Variants in SUMF1 observed in about 807,000 individuals in gnomAD.
The protein encoded by SUMF1 is sulfatase modifying factor 1, also known as formylglycine-generating enzyme.
A neutral mutation model predicts 47.6 loss-of-function variants in SUMF1; 48 were observed. That is an observed-to-expected ratio of 1.01 (90% confidence interval 0.80 to 1.28). SUMF1 has a LOEUF of 1.28. Among genes scored for constraint, SUMF1 ranks in the 50% most tolerant of loss-of-function variants. The pLI is 0.00. For missense variants in SUMF1, 571 were observed against 485.4 expected, an observed-to-expected ratio of 1.18 and a Z score of -1.66; for synonymous variants, 230 against 192.1, an observed-to-expected ratio of 1.20 and a Z score of -1.63.
intron 8 of SUMF1, among the ~76,000 whole-genome samples, chr3:4,097,054 C>T (rs1006087404): frequency 6.6e-5 from 10 of 152,090 alleles, no homozygotes; most frequent in African/African-American, 2.4e-4. Flanking sequence ...CAATTTTCAA[C>T]TTCAAATTTC....
intron 3 of SUMF1, among the ~76,000 whole-genome samples, chr3:4,440,119 C>A (rs956557060): frequency 1.3e-5 from 2 of 151,674 alleles, no homozygotes; most frequent in Admixed American, 6.6e-5. Context: ...GCCTATAATC[C>A]CAGCTACTTG....
chr3:4,159,534 A>G (rs1196397432), intron 8 of SUMF1, among the ~76,000 whole-genome samples: 1 of 150,982 alleles, frequency 6.6e-6, no homozygotes, highest in Non-Finnish European at 1.5e-5. Context: ...TTTTTTTTTG[A>G]TCAGTTCATC....
intron 8 of SUMF1, among the ~76,000 whole-genome samples, chr3:4,150,723 T>C (rs1385678526): frequency 6.6e-6 from 1 of 151,608 alleles, no homozygotes; most frequent in Non-Finnish European, 1.5e-5. Context: ...GCAACAGTGA[T>C]ACCACTATGA....
chr3:4,167,686 T>C (rs1315538475), intron 8 of SUMF1, among the ~76,000 whole-genome samples: 3 of 152,168 alleles, frequency 2.0e-5, no homozygotes, highest in African/African-American at 7.2e-5. Context: ...TCTTCACCTA[T>C]CAGTAGCAGT....
chr3:4,328,047 C>A (rs1698979755), intron 8 of SUMF1, among the ~76,000 whole-genome samples: 1 of 150,874 alleles, frequency 6.6e-6, no homozygotes, highest in African/African-American at 2.4e-5. Context: ...GAGGCCCTCC[C>A]TGTACAAAAA....
chr3:4,328,900 T>C (rs1396988190), intron 8 of SUMF1, among the ~76,000 whole-genome samples: 1 of 152,152 alleles, frequency 6.6e-6, no homozygotes, highest in Non-Finnish European at 1.5e-5. Context: ...GGTACAGGCA[T>C]TGGGTAAATA....
intron 8 of SUMF1, among the ~76,000 whole-genome samples, chr3:4,076,749 C>G (rs956803411): frequency 1.3e-5 from 2 of 152,148 alleles, no homozygotes; most frequent in African/African-American, 2.4e-5. Context: ...CCTGTAATCC[C>G]AGCACTTTGG....
chr3:4,315,813 G>C (rs544147766), intron 8 of SUMF1, among the ~76,000 whole-genome samples: 1 of 152,216 alleles, frequency 6.6e-6, no homozygotes, highest in South Asian at 2.1e-4. Flanking sequence ...TTGGGAGGCT[G>C]AGGCAGGCAG....
chr3:4,110,962 G>T (rs1295497477), intron 8 of SUMF1, among the ~76,000 whole-genome samples: 5 of 151,080 alleles, frequency 3.3e-5, no homozygotes, highest in Non-Finnish European at 7.4e-5. Context: ...CCTGCATGTT[G>T]TGCACATGTA....
chr3:4,257,967 A>G (rs1431323795), intron 8 of SUMF1, among the ~76,000 whole-genome samples: 1 of 152,100 alleles, frequency 6.6e-6, no homozygotes, highest in Admixed American at 6.5e-5. Context: ...GCATGTCTAC[A>G]ACTATCTGAT....
chr3:4,387,746 T>C (rs982177951), intron 7 of SUMF1, among the ~76,000 whole-genome samples: 10 of 152,068 alleles, frequency 6.6e-5, no homozygotes, highest in Non-Finnish European at 2.9e-5. Context: ...CTGTTTTCAC[T>C]CTATCCCACA....
intron 7 of SUMF1, among the ~76,000 whole-genome samples, chr3:4,395,665 T>C (rs192422228): frequency 6.6e-6 from 1 of 152,316 alleles, no homozygotes; most frequent in East Asian, 1.9e-4. Context: ...AAAACAGTCA[T>C]TTCCTCCATG....
intron 8 of SUMF1, among the ~76,000 whole-genome samples, chr3:4,312,605 G>A (rs1698449823): frequency 6.6e-6 from 1 of 151,454 alleles, no homozygotes; most frequent in South Asian, 2.1e-4. Flanking sequence ...TAGCAGCTAA[G>A]GAAGCTGAGG....
chr3:4,136,481 T>C (rs1693935240), intron 8 of SUMF1, among the ~76,000 whole-genome samples: 1 of 151,950 alleles, frequency 6.6e-6, no homozygotes, highest in African/African-American at 2.4e-5. Flanking sequence ...CAAGATGGAT[T>C]AAAGACTTAC....
chr3:4,336,962 G>A (rs1699165291), intron 8 of SUMF1, among the ~76,000 whole-genome samples: 1 of 152,086 alleles, frequency 6.6e-6, no homozygotes, highest in African/African-American at 2.4e-5. Flanking sequence ...ATTTGTAAGG[G>A]CAGCCAATTG....
At chr3:4,171,683 G>A (rs13434255) in intron 8 of SUMF1, among the ~76,000 whole-genome samples, 1 of 152,136 alleles carries the variant, frequency 6.6e-6, no homozygotes, top group Admixed American at 6.5e-5. Context: ...CAAACTAACA[G>A]CAAGTTTTAA....
intron 8 of SUMF1, among the ~76,000 whole-genome samples, chr3:4,206,802 C>T (rs1695662570): frequency 6.6e-6 from 1 of 152,044 alleles, no homozygotes; most frequent in Admixed American, 6.6e-5. Context: ...TCCACCTCTC[C>T]CCCATTCTTT....
chr3:4,424,730 T>A (rs995917817), intron 3 of SUMF1, among the ~76,000 whole-genome samples: 1 of 152,198 alleles, frequency 6.6e-6, no homozygotes, highest in Non-Finnish European at 1.5e-5. Flanking sequence ...AGAATACACA[T>A]TTGATTCCGT....
chr3:4,191,549 G>A (rs1194603880), intron 8 of SUMF1, among the ~76,000 whole-genome samples: 2 of 152,104 alleles, frequency 1.3e-5, no homozygotes, highest in African/African-American at 4.8e-5. Flanking sequence ...TCAGGCTATG[G>A]CATGGGGAAT....
Sources: gnomAD v4.1 joint callset for allele counts (sites outside exome capture counted in the v4.1 genomes callset) on GRCh38, gnomAD v4.1.1 for gene constraint, MANE v1.5 for transcripts, NCBI Gene and HGNC (gene_info 2026-07-23, HGNC 2026-07-21) for gene names.